The following PGBD2 variants were observed in gnomAD, a reference collection of about 807,000 sequenced individuals.
PGBD2 encodes piggyBac transposable element derived 2.
A neutral mutation model predicts 8.1 loss-of-function variants in PGBD2; 6 were observed. That is an observed-to-expected ratio of 0.74 (90% CI 0.40 to 1.46). The LOEUF (loss-of-function observed/expected upper bound fraction) is 1.46. PGBD2 is among the 40% of genes most tolerant of loss of function. The pLI is 0.02. For missense variants in PGBD2, 802 were observed against 739.0 expected, an observed-to-expected ratio of 1.09 and a Z score of -0.99; for synonymous variants, 318 against 272.2, an observed-to-expected ratio of 1.17 and a Z score of -1.66.
At chr1:248,910,378 C>A (rs897321350) in intron 1 of PGBD2, among the ~76,000 whole-genome samples, 2 of 152,192 alleles carry the variant, frequency 1.3e-5, no homozygotes, top group Admixed American at 6.5e-5. Context: ...ATAGTTAACA[C>A]TTGGGAATCC....
At position 248,917,235 on chromosome 1, in the gene PGBD2, A is replaced by G; in HGVS notation, c.651A>G (p.Arg217=). ...SHHHLVADAI[R]RDRFELIFSY... ...ATCATCTTGTGGCTGATGCAATTAG[A>G]AGGGACAGATTTGAACTAATCTTCT... The change falls in exon 3 of 3, where the codon AGA becomes AGG. Residue 217 remains arginine (R), a synonymous_variant. Transcript: ENST00000329291. 6.2e-7 allele frequency: 1 copy of G among 1,614,142 alleles called. No individual in the cohort carries two copies. The highest frequency in any genetic ancestry group is 1.1e-5 in the South Asian group (1 of 91,072).
chr1:248,925,913 T>C, the PGBD2 span, among the ~76,000 whole-genome samples: 1 of 152,126 alleles, frequency 6.6e-6, no homozygotes, highest in Admixed American at 6.5e-5. Context: ...CTTGTTACAC[T>C]TCTCTGGACA....
At chr1:248,890,949 C>T in the PGBD2 span, among the ~76,000 whole-genome samples, 1 of 151,732 alleles carries the variant, frequency 6.6e-6, no homozygotes, top group Non-Finnish European at 1.5e-5. Context: ...CCGACACAGC[C>T]ACACCTCTCT....
chr1:248,918,113 A>G lies in PGBD2; in HGVS notation c.1529A>G (p.Gln510Arg). The G allele has an allele frequency of 1.2e-6, 2 of 1,614,260 alleles. No individual in the cohort carries two copies. Among genetic ancestry groups the G allele is most frequent in the South Asian group, 1.1e-5 (1 of 91,090 alleles). The change falls in exon 3 of 3, where the codon CAG (glutamine) becomes CGG (arginine). Residue 510 changes from glutamine to arginine, a missense_variant. By Grantham distance (43) the Gln-to-Arg change is conservative. Transcript: ENST00000329291. Reference protein sequence around the residue: ...QLHRICCQDAQVDLLAFRRYI... With the variant: ...QLHRICCQDARVDLLAFRRYI... ...CATAGAATCTGCTGCCAAGATGCCC[A>G]GGTGGACCTCCTTGCCTTCCGGAGA... is the stretch of plus-strand genomic sequence containing the variant.
upstream of PGBD2, among the ~76,000 whole-genome samples, chr1:248,905,888 G>A (rs1249999608): frequency 6.6e-6 from 1 of 152,196 alleles, no homozygotes. Flanking sequence ...GGCCTGTAGT[G>A]GGGTCCCAAG....
At chr1:248,923,717 A>T (rs189296001), downstream of PGBD2, among the ~76,000 whole-genome samples, 190 of 152,362 alleles carry the variant, frequency 1.2e-3, 2 homozygotes, top group Non-Finnish European at 1.2e-3. Flanking sequence ...CGTATGTGTT[A>T]AATTTGGCTT....
At chr1:248,896,018 C>T in the PGBD2 span, among the ~76,000 whole-genome samples, 13 of 151,918 alleles carry the variant, frequency 8.6e-5, no homozygotes, top group Middle Eastern at 3.2e-3. Context: ...CACGCCCCTC[C>T]GACCCTTCCC....
chr1:248,874,236 C>T, the PGBD2 span, among the ~76,000 whole-genome samples: 55 of 152,262 alleles, frequency 3.6e-4, no homozygotes, highest in East Asian at 9.7e-4. Context: ...TGCTAAATGA[C>T]GCATCATGTC....
chr1:248,918,279 C>T lies in PGBD2; in HGVS notation c.1695C>T (p.Leu565=). The T allele has an allele frequency of 1.2e-6, 2 of 1,607,760 alleles. No individual in the cohort carries two copies. Among genetic ancestry groups the T allele is most frequent in the Non-Finnish European group, 1.7e-6 (2 of 1,176,636 alleles). The change falls in exon 3 of 3, where the codon CTC becomes CTT. Residue 565 remains leucine (L), a synonymous_variant. Coordinates refer to ENST00000329291, the MANE Select transcript of PGBD2 (RefSeq NM_170725.3). ...IHQDKRTRCA[L]CHSQTNTRCE... ...AGGACAAGAGGACCCGGTGTGCCCTCTGCCACTCACAGACCAACACCCGGT... is the reference window on the plus strand; with the variant it reads ...AGGACAAGAGGACCCGGTGTGCCCTTTGCCACTCACAGACCAACACCCGGT...
the PGBD2 span, among the ~76,000 whole-genome samples, chr1:248,926,081 C>G: frequency 2.6e-5 from 4 of 151,988 alleles, no homozygotes; most frequent in Non-Finnish European, 5.9e-5. Context: ...CTCCACCTTG[C>G]TTTTTGCACA....
At chr1:248,911,753 C>A (rs1337472986) in intron 1 of PGBD2, among the ~76,000 whole-genome samples, 52 of 149,778 alleles carry the variant, frequency 3.5e-4, no homozygotes, top group African/African-American at 1.1e-3. Flanking sequence ...GGGGGCTGAC[C>A]CCCCCACCTC....
chr1:248,929,832 T>C, the PGBD2 span, among the ~76,000 whole-genome samples: 153 of 152,342 alleles, frequency 1.0e-3, no homozygotes, highest in Admixed American at 9.1e-3. Flanking sequence ...GTGTGGGTTG[T>C]TGAAGAAATG....
At chr1:248,914,633 G>A (rs1172428515) in intron 2 of PGBD2, 63 of 1,279,196 alleles carry the variant, frequency 4.9e-5, no homozygotes, top group Middle Eastern at 2.6e-4. Flanking sequence ...CGTAGAGGTT[G>A]GGGCCTGCAA....
At chr1:248,886,250 G>A in the PGBD2 span, among the ~76,000 whole-genome samples, 7 of 152,074 alleles carry the variant, frequency 4.6e-5, no homozygotes, top group African/African-American at 1.7e-4. Context: ...AAATAGGAAT[G>A]TATGAGTTAT....
At chr1:248,923,646 T>G (rs1477353372), downstream of PGBD2, among the ~76,000 whole-genome samples, 1 of 152,200 alleles carries the variant, frequency 6.6e-6, no homozygotes, top group Non-Finnish European at 1.5e-5. Flanking sequence ...AGTTACACAT[T>G]ATTGCTTGCT....
chr1:248,918,434 T>C lies in PGBD2; in HGVS notation c.*71T>C. 1 of 1,450,222 alleles carries C rather than the reference T, an allele frequency of 6.9e-7. No homozygotes were observed. The highest frequency in any genetic ancestry group is 9.2e-7 in the Non-Finnish European group (1 of 1,083,998). The allele number at this position is 1,450,222 out of a possible 1,614,324, so 89.8% of individuals were successfully genotyped here. A position where few individuals can be genotyped will look rare whatever the true frequency, so the allele number is the denominator to read the frequency against. On this transcript the variant is annotated 3_prime_UTR_variant, in exon 3 of 3. Transcript: ENST00000329291. The stretch of plus-strand genomic sequence containing the variant: ...TAAATACAGATGGCAGTTGAGCACT[T>C]CTGTTTTGTGTTGGAAAAAAGACCT...
At chr1:248,924,175 C>G (rs1398237524), downstream of PGBD2, among the ~76,000 whole-genome samples, 2 of 152,200 alleles carry the variant, frequency 1.3e-5, no homozygotes, top group African/African-American at 4.8e-5. Context: ...CAGCGTCCAT[C>G]CAGAAATCCA....
At chr1:248,916,406 A>C (rs1315725911) in intron 2 of PGBD2, among the ~76,000 whole-genome samples, 196 bp from the exon 3 acceptor site, 1 of 152,200 alleles carries the variant, frequency 6.6e-6, no homozygotes, top group Admixed American at 6.5e-5. Context: ...CCGTCTAAAA[A>C]AAAAAATTAT....
the PGBD2 span, among the ~76,000 whole-genome samples, chr1:248,878,137 G>A: frequency 2.6e-5 from 4 of 151,678 alleles, no homozygotes; most frequent in African/African-American, 9.7e-5. Context: ...ATTTAGTTTA[G>A]TGCTCACCTT....
Sources: gnomAD v4.1 joint callset for allele counts (sites outside exome capture counted in the v4.1 genomes callset) on GRCh38, gnomAD v4.1.1 for gene constraint, MANE v1.5 for transcripts, NCBI Gene and HGNC (gene_info 2026-07-23, HGNC 2026-07-21) for gene names.